Variants in SEMA5B observed in about 807,000 individuals in gnomAD.
SEMA5B encodes semaphorin 5B.
In SEMA5B, 66 loss-of-function variants were observed where a neutral mutation model predicts 135.0. The ratio of observed to expected loss-of-function variants is 0.49; its 90% confidence interval spans 0.40 to 0.60. The LOEUF (loss-of-function observed/expected upper bound fraction) is 0.60, where lower values mean the gene tolerates loss of function less well. Ranked by LOEUF, SEMA5B falls within the 20% of genes least tolerant of loss-of-function variation. SEMA5B has a pLI of 0.00. For synonymous variants in SEMA5B, 690 were observed against 639.5 expected (o/e 1.08, Z -1.19); for missense variants, 1,501 against 1,566.3 (o/e 0.96, Z 0.70).
chr3:122,936,502 T>G (rs909994963), intron 5 of SEMA5B, among the ~76,000 whole-genome samples: 8 of 152,192 alleles, frequency 5.3e-5, no homozygotes, highest in Non-Finnish European at 1.2e-4. Context: ...TCCTGATGCA[T>G]ATGTGCAGAA....
chr3:122,985,875 T>C (rs1165339871), intron 1 of SEMA5B, among the ~76,000 whole-genome samples: 2 of 152,104 alleles, frequency 1.3e-5, no homozygotes, highest in Non-Finnish European at 2.9e-5. Context: ...AAGAAATAAA[T>C]TAACATGTGA....
At chr3:122,979,822 C>A (rs962296250) in intron 1 of SEMA5B, among the ~76,000 whole-genome samples, 1 of 152,224 alleles carries the variant, frequency 6.6e-6, no homozygotes, top group Admixed American at 6.5e-5. Context: ...GGCTCAAAAC[C>A]TTTAAGGGAA....
chr3:122,915,981 C>G (rs1938057493), intron 12 of SEMA5B, 91 bp from the exon 13 acceptor site: 1 of 896,018 alleles, frequency 1.1e-6, no homozygotes, highest in Non-Finnish European at 1.8e-6. Context: ...CCTCTGTGCA[C>G]CACTTTCCAT....
chr3:122,930,931 C>T lies in SEMA5B; in HGVS notation c.475-1873G>A, dbSNP rs770718435. On this transcript the variant is annotated intron_variant, in intron 5 of 22. Transcript: ENST00000357599. Reference sequence around the variant, plus strand: ...CTCTTTCTGCTACATCCTGCAGCCTCTCACAGTGAATAGATTTCTCTAACC... The same window carrying T: ...CTCTTTCTGCTACATCCTGCAGCCTTTCACAGTGAATAGATTTCTCTAACC... Among the ~76,000 whole-genome samples, 112 of 152,206 alleles carry T rather than the reference C, an allele frequency of 7.4e-4. 2 individuals are homozygous for T. Among genetic ancestry groups the T allele is most frequent in the Non-Finnish European group, 1.3e-4 (9 of 68,042 alleles).
chr3:122,974,086 G>T (rs1344925476), intron 1 of SEMA5B, among the ~76,000 whole-genome samples: 1 of 152,044 alleles, frequency 6.6e-6, no homozygotes, highest in Non-Finnish European at 1.5e-5. Context: ...GGGAGAGAGA[G>T]CCCAGGCACA....
At chr3:123,004,976 G>C (rs962267401) in intron 1 of SEMA5B, among the ~76,000 whole-genome samples, 1 of 152,136 alleles carries the variant, frequency 6.6e-6, no homozygotes, top group African/African-American at 2.4e-5. Flanking sequence ...AAAACTTCCC[G>C]AATGGGAGAA....
chr3:122,990,349 G>A (rs1467562584), intron 1 of SEMA5B, among the ~76,000 whole-genome samples: 4 of 152,154 alleles, frequency 2.6e-5, no homozygotes, highest in Non-Finnish European at 5.9e-5. Context: ...CTAAGCAGAA[G>A]GATTTTGCCC....
chr3:122,924,396 G>T (rs1285553197), intron 9 of SEMA5B, among the ~76,000 whole-genome samples: 1 of 151,978 alleles, frequency 6.6e-6, no homozygotes, highest in Non-Finnish European at 1.5e-5. Context: ...CTCCACCTCT[G>T]CCTGGTTTCA....
intron 14 of SEMA5B, 75 bp from the exon 15 acceptor site, chr3:122,914,076 C>G: frequency 7.0e-7 from 1 of 1,438,080 alleles, no homozygotes; most frequent in South Asian, 1.5e-5. Flanking sequence ...GTCTCTGGGC[C>G]GATGTATTTT....
At chr3:122,965,183 C>T (rs1038320180) in intron 1 of SEMA5B, among the ~76,000 whole-genome samples, 1 of 152,320 alleles carries the variant, frequency 6.6e-6, no homozygotes, top group South Asian at 2.1e-4. Flanking sequence ...GGCAGGAGCT[C>T]AGTGCCTCGG....
chr3:122,995,178 C>T (rs995727204), intron 1 of SEMA5B, among the ~76,000 whole-genome samples: 1 of 152,086 alleles, frequency 6.6e-6, no homozygotes, highest in African/African-American at 2.4e-5. Flanking sequence ...AGCAGGACAT[C>T]GGGTGGTGGG....
At position 122,927,899 on chromosome 3, in the gene SEMA5B, G is replaced by C. The variant is rs1359459442; in HGVS notation, c.741C>G (p.Leu247=). Residue 247 remains leucine (L), a synonymous_variant, in exon 8 of 23, where the codon CTC becomes CTG. Coordinates refer to ENST00000357599, the MANE Select transcript of SEMA5B (RefSeq NM_001031702.4). ...STAVISSQGE[L]YAATVIDFSG... is the part of the protein sequence containing the mutation. ...AGAAGTCGATGACCGTGGCTGCATAGAGCTCCCCCTGGGAGGAGATGACAG... is the reference window on the plus strand; with the variant it reads ...AGAAGTCGATGACCGTGGCTGCATACAGCTCCCCCTGGGAGGAGATGACAG... 3.1e-6 allele frequency: 5 copies of C among 1,596,198 alleles called. No individual in the cohort carries two copies. The highest frequency in any genetic ancestry group is 4.3e-6 in the Non-Finnish European group (5 of 1,170,790).
chr3:122,994,397 A>T (rs1401102660), intron 1 of SEMA5B, among the ~76,000 whole-genome samples: 1 of 152,176 alleles, frequency 6.6e-6, no homozygotes, highest in African/African-American at 2.4e-5. Context: ...CCTTCTTTGC[A>T]AACAATTATA....
chr3:122,961,090 C>T, intron 2 of SEMA5B, 50 bp downstream of exon 2: 1 of 1,537,224 alleles, frequency 6.5e-7, no homozygotes, highest in South Asian at 1.3e-5. Context: ...CTGCTCTCCC[C>T]TCAGTCTGGT....
intron 2 of SEMA5B, among the ~76,000 whole-genome samples, chr3:122,959,991 T>C (rs1386336703): frequency 6.6e-6 from 1 of 152,242 alleles, no homozygotes; most frequent in Non-Finnish European, 1.5e-5. Context: ...GCTTATCTAT[T>C]CATTAGAGTA....
intron 1 of SEMA5B, among the ~76,000 whole-genome samples, chr3:122,963,996 C>A (rs1055041581): frequency 6.6e-6 from 1 of 152,168 alleles, no homozygotes; most frequent in Non-Finnish European, 1.5e-5. Context: ...TCCACCCCTG[C>A]CCCACTAGCT....
chr3:123,018,426 A>T (rs1025184845), intron 1 of SEMA5B, among the ~76,000 whole-genome samples: 5 of 152,198 alleles, frequency 3.3e-5, no homozygotes. Flanking sequence ...AGCTTCTTTC[A>T]CCAGACCTTT....
chr3:122,988,624 C>T (rs925291292), intron 1 of SEMA5B, among the ~76,000 whole-genome samples: 1 of 152,238 alleles, frequency 6.6e-6, no homozygotes, highest in Non-Finnish European at 1.5e-5. Flanking sequence ...TAACAAGCCT[C>T]TCTAGGACTT....
intron 1 of SEMA5B, among the ~76,000 whole-genome samples, chr3:123,008,940 A>G (rs534892587): frequency 4.2e-4 from 64 of 152,254 alleles, no homozygotes; most frequent in South Asian, 2.1e-3. Context: ...CAGCCCAAAG[A>G]GCAGTGCCCT....
Sources: gnomAD v4.1 joint callset for allele counts (sites outside exome capture counted in the v4.1 genomes callset) on GRCh38, gnomAD v4.1.1 for gene constraint, MANE v1.5 for transcripts, NCBI Gene and HGNC (gene_info 2026-07-23, HGNC 2026-07-21) for gene names.